The following CDYL2 variants were observed in gnomAD, a reference collection of about 807,000 sequenced individuals.
CDYL2 encodes the protein chromodomain Y like 2.
CDYL2 carries 23 observed loss-of-function variants against 49.4 expected under a neutral mutation model. The observed-to-expected ratio is 0.47, with a 90% confidence interval of 0.34 to 0.66. The LOEUF (loss-of-function observed/expected upper bound fraction) is 0.66, where lower values mean the gene tolerates loss of function less well. CDYL2 is among the 30% of genes least tolerant of loss of function. The probability of loss-of-function intolerance (pLI) is 0.01; values close to 1 mark genes in which losing one functional copy is unlikely to be tolerated. For synonymous variants in CDYL2, 360 were observed against 268.8 expected, an observed-to-expected ratio of 1.34 and a Z score of -3.32; for missense variants, 678 against 656.4, an observed-to-expected ratio of 1.03 and a Z score of -0.36.
chr16:80,674,275 C>T (rs1909650107), intron 2 of CDYL2, among the ~76,000 whole-genome samples: 1 of 152,128 alleles, frequency 6.6e-6, no homozygotes. Flanking sequence ...CTTCTTTAAG[C>T]ATTAATTTTC....
chr16:80,771,851 T>C (rs1197053848), intron 1 of CDYL2, among the ~76,000 whole-genome samples: 1 of 152,006 alleles, frequency 6.6e-6, no homozygotes, highest in Admixed American at 6.6e-5. Flanking sequence ...AAACCAGATT[T>C]AAAAATTAGT....
intron 2 of CDYL2, among the ~76,000 whole-genome samples, chr16:80,633,527 GAATCCA>G (rs897079679): frequency 4.6e-5 from 7 of 152,168 alleles, no homozygotes; most frequent in African/African-American, 1.2e-4. Context: ...TGGCCACAGG[GAATCCA>G]CTGACCACCC....
chr16:80,689,716 G>A (rs1306680526), intron 1 of CDYL2, among the ~76,000 whole-genome samples: 12 of 152,192 alleles, frequency 7.9e-5, no homozygotes, highest in East Asian at 5.8e-4. Flanking sequence ...ACTGATACGC[G>A]AGGCACCAGC....
chr16:80,759,911 G>C (rs1175127973), intron 1 of CDYL2, among the ~76,000 whole-genome samples: 1 of 152,068 alleles, frequency 6.6e-6, no homozygotes, highest in Non-Finnish European at 1.5e-5. Context: ...TAAATTCTAG[G>C]AAAACTGACT....
At chr16:80,670,504 A>G (rs764524074) in intron 2 of CDYL2, among the ~76,000 whole-genome samples, 4 of 152,044 alleles carry the variant, frequency 2.6e-5, no homozygotes, top group Non-Finnish European at 4.4e-5. Flanking sequence ...TCTTTCCTTT[A>G]TAAACTACCC....
At chr16:80,792,608 T>G (rs1159903731) in intron 1 of CDYL2, among the ~76,000 whole-genome samples, 1 of 152,020 alleles carries the variant, frequency 6.6e-6, no homozygotes, top group East Asian at 1.9e-4. Flanking sequence ...AGGTGACAGG[T>G]GTGTTCTGGG....
intron 1 of CDYL2, among the ~76,000 whole-genome samples, chr16:80,784,161 TTTC>T (rs1329382228): frequency 6.6e-6 from 1 of 152,350 alleles, no homozygotes; most frequent in Non-Finnish European, 1.5e-5. Flanking sequence ...TCTTTTCTAC[TTTC>T]TTAATATTTT....
At chr16:80,635,614 A>G (rs1247410210) in intron 2 of CDYL2, among the ~76,000 whole-genome samples, 2 of 152,254 alleles carry the variant, frequency 1.3e-5, no homozygotes, top group Non-Finnish European at 2.9e-5. Flanking sequence ...GGAAGAATCA[A>G]TATCGTAAAA....
At chr16:80,756,135 C>T (rs562717473) in intron 1 of CDYL2, among the ~76,000 whole-genome samples, 10 of 152,080 alleles carry the variant, frequency 6.6e-5, no homozygotes, top group East Asian at 3.9e-4. Flanking sequence ...TAAAACTAAA[C>T]GCACCAGTGG....
chr16:80,721,141 C>A lies in CDYL2; in HGVS notation c.25-36012G>T, dbSNP rs183734283. On this transcript the variant is annotated intron_variant, in intron 1 of 6. Coordinates refer to ENST00000570137, the MANE Select transcript of CDYL2 (RefSeq NM_152342.4). ...ACCAAAACAAGAAGTACAAAAATCC[C>A]AGTGCTACTAAGAACAACCAATGAC... is the stretch of plus-strand genomic sequence containing the variant. 1.2e-3 allele frequency among the ~76,000 whole-genome samples: 188 copies of A among 152,282 alleles called. 1 individual carries two copies. The highest frequency in any genetic ancestry group is 4.3e-3 in the African/African-American group (180 of 41,560).
chr16:80,706,818 G>A (rs181097392), intron 1 of CDYL2, among the ~76,000 whole-genome samples: 37 of 152,254 alleles, frequency 2.4e-4, no homozygotes, highest in Non-Finnish European at 4.6e-4. Flanking sequence ...TCTTCATCAC[G>A]GGAAGGCAGA....
At position 80,601,961 on chromosome 16, in the gene CDYL2, G is replaced by A. The variant is rs1906106460; in HGVS notation, c.*2427C>T. On this transcript the variant is annotated 3_prime_UTR_variant, in exon 7 of 7. Transcript: ENST00000570137. Reference sequence around the variant, plus strand: ...GTTCTTTCAAGCAGGGAATGAAGGTGGACACTGATCTAAAGGAATTTCTAA... The same window carrying A: ...GTTCTTTCAAGCAGGGAATGAAGGTAGACACTGATCTAAAGGAATTTCTAA... The A allele has an allele frequency of 6.6e-6, 1 of 152,186 alleles. No individual in the cohort carries two copies. Among genetic ancestry groups the A allele is most frequent in the South Asian group, 2.1e-4 (1 of 4,832 alleles). The allele number at this position is 152,186 out of a possible 1,614,324, so 9.4% of individuals were successfully genotyped here.
chr16:80,670,994 C>G (rs1372308080), intron 2 of CDYL2: 2 of 456,004 alleles, frequency 4.4e-6, no homozygotes, highest in Non-Finnish European at 8.8e-6. Context: ...GATTTTGTCT[C>G]CTGGGTTCTC....
intron 1 of CDYL2, among the ~76,000 whole-genome samples, chr16:80,711,050 G>C (rs772077536): frequency 6.6e-6 from 1 of 152,166 alleles, no homozygotes; most frequent in Non-Finnish European, 1.5e-5. Flanking sequence ...GGAAACAATA[G>C]TCCCTTTGCA....
chr16:80,710,964 G>T (rs1309139483), intron 1 of CDYL2, among the ~76,000 whole-genome samples: 2 of 152,206 alleles, frequency 1.3e-5, no homozygotes, highest in Non-Finnish European at 2.9e-5. Flanking sequence ...GTACAAATCT[G>T]AATCCTGAAC....
intron 6 of CDYL2, 36 bp downstream of exon 6, chr16:80,608,056 C>T (rs912660934): frequency 6.5e-7 from 1 of 1,531,754 alleles, no homozygotes; most frequent in Non-Finnish European, 8.8e-7. Context: ...ATGGGTCTAT[C>T]AAAAGGACAA....
rs1050222215 is a variant in CDYL2 at position 80,706,307 on chromosome 16, T to C, written c.25-21178A>G. On this transcript the variant is annotated intron_variant, in intron 1 of 6. Coordinates refer to ENST00000570137, the MANE Select transcript of CDYL2 (RefSeq NM_152342.4). ...GTTGCCCTCCACCCTCACACAAGAATGTGAGCTCAAAAACAGGAGGGCAAT... is the reference window on the plus strand; with the variant it reads ...GTTGCCCTCCACCCTCACACAAGAACGTGAGCTCAAAAACAGGAGGGCAAT... Among the ~76,000 whole-genome samples the C allele has an allele frequency of 3.3e-5, 5 of 152,164 alleles. No individual in the cohort carries two copies. In the South Asian group the frequency reaches 8.3e-4, roughly 25 times the overall value.
chr16:80,611,316 G>C (rs1424555126), intron 5 of CDYL2, among the ~76,000 whole-genome samples: 1 of 152,152 alleles, frequency 6.6e-6, no homozygotes, highest in African/African-American at 2.4e-5. Context: ...TGGCTAGAGG[G>C]GGCTGGAAGG....
At chr16:80,775,096 A>G (rs1907037761) in intron 1 of CDYL2, among the ~76,000 whole-genome samples, 2 of 151,988 alleles carry the variant, frequency 1.3e-5, no homozygotes, top group South Asian at 4.1e-4. Context: ...ATAATTACAT[A>G]TGTTCAGGAA....
Sources: allele counts gnomAD v4.1 joint callset (sites outside exome capture counted in the v4.1 genomes callset), GRCh38; gene constraint gnomAD v4.1.1; transcripts MANE v1.5; gene names NCBI Gene and HGNC (gene_info 2026-07-23, HGNC 2026-07-21).